Variants in AFDN observed in about 807,000 individuals in gnomAD.
The protein encoded by AFDN is afadin.
AFDN carries 68 observed loss-of-function variants against 216.6 expected under a neutral mutation model. The ratio of observed to expected loss-of-function variants is 0.31; its 90% CI spans 0.26 to 0.38. The LOEUF (loss-of-function observed/expected upper bound fraction) is 0.38, where lower values mean the gene tolerates loss of function less well. Among genes scored for constraint, AFDN ranks in the 10% least tolerant of loss-of-function variants. AFDN has a pLI of 1.00. For missense variants in AFDN, 2,136 were observed against 2,342.0 expected (o/e 0.91, Z 1.82); for synonymous variants, 868 against 853.7 (o/e 1.02, Z -0.29).
At chr6:167,907,409 T>A in intron 13 of AFDN, 120 bp downstream of exon 13, 1 of 735,614 alleles carries the variant, frequency 1.4e-6, no homozygotes, top group Non-Finnish European at 2.3e-6. Flanking sequence ...TTAGCAATAA[T>A]ATTTTAAGGG....
intron 6 of AFDN, among the ~76,000 whole-genome samples, chr6:167,887,988 G>T (rs1281961961): frequency 6.6e-6 from 1 of 152,166 alleles, no homozygotes; most frequent in Non-Finnish European, 1.5e-5. Flanking sequence ...TACTTAAGCT[G>T]AAGGATGAGT....
chr6:167,965,160 T>TC (rs1583077114), intron 31 of AFDN: 73 of 810,412 alleles, frequency 9.0e-5, no homozygotes, highest in Non-Finnish European at 1.0e-4. Flanking sequence ...TTTTTTTTTT[T>TC]CTTCATTTCT....
In AFDN at chr6:167,898,194, T is replaced by G; in HGVS notation, c.1318-11T>G. On this transcript the variant is annotated splice_polypyrimidine_tract_variant and intron_variant, in intron 10 of 33. Coordinates refer to ENST00000683244, the MANE Select transcript of AFDN (RefSeq NM_001386888.1). ...ATGATGGGAGTTTCTTTGGTTTCCTTCGGTTTCCAGTTGTTTGGCCCAGGA... is the reference window on the plus strand; with the variant it reads ...ATGATGGGAGTTTCTTTGGTTTCCTGCGGTTTCCAGTTGTTTGGCCCAGGA... 1 of 1,612,020 alleles carries G rather than the reference T, an allele frequency of 6.2e-7. No individual in the cohort carries two copies. Among genetic ancestry groups the G allele is most frequent in the Non-Finnish European group, 8.5e-7 (1 of 1,178,376 alleles).
chr6:167,857,705 T>C (rs144253036), intron 1 of AFDN, among the ~76,000 whole-genome samples: 1,559 of 152,262 alleles, frequency 0.01, 29 homozygotes, highest in African/African-American at 0.036. Context: ...CCGAGCTGTA[T>C]GAACCTGAAC....
chr6:167,900,316 TA>T (rs1788781963), intron 11 of AFDN, among the ~76,000 whole-genome samples: 1 of 152,230 alleles, frequency 6.6e-6, no homozygotes, highest in African/African-American at 2.4e-5. Flanking sequence ...CTGATGGTTA[TA>T]AACGAGTGGC....
At chr6:167,911,533 T>G in intron 15 of AFDN, 44 bp downstream of exon 15, 1 of 1,569,304 alleles carries the variant, frequency 6.4e-7, no homozygotes, top group Non-Finnish European at 8.8e-7. Context: ...TGATTGTGGT[T>G]GTAATTGCTA....
chr6:167,912,862 C>T (rs926276031), intron 15 of AFDN, among the ~76,000 whole-genome samples: 5 of 152,120 alleles, frequency 3.3e-5, no homozygotes, highest in Admixed American at 6.5e-5. Flanking sequence ...AATTTAAATT[C>T]TATTTTCAAA....
At chr6:167,943,250 A>T (rs1233732409) in intron 24 of AFDN, 56 bp downstream of exon 24, 2 of 1,515,294 alleles carry the variant, frequency 1.3e-6, no homozygotes, top group East Asian at 4.5e-5. Flanking sequence ...TCAGCAAATG[A>T]TGTGAGAGAT....
intron 1 of AFDN, among the ~76,000 whole-genome samples, chr6:167,834,005 A>G (rs1187523219): frequency 1.3e-5 from 2 of 152,238 alleles, no homozygotes; most frequent in Non-Finnish European, 1.5e-5. Flanking sequence ...TTGTTTTTCA[A>G]TAATATGATT....
intron 1 of AFDN, among the ~76,000 whole-genome samples, chr6:167,840,943 G>A (rs757650046): frequency 5.9e-5 from 9 of 152,194 alleles, no homozygotes; most frequent in African/African-American, 1.4e-4. Flanking sequence ...ATGGACCTCC[G>A]TGGCATCTGA....
Position 167,913,434 on chromosome 6 carries a change from T to C in AFDN, c.2058+11T>C. ...GACCAGGTTGACCAGGTAGGACATC[T>C]GCTGGGAGCTGATCCTAGCTGTGTT... On this transcript the variant is annotated intron_variant, in intron 16 of 33. Transcript: ENST00000683244. The C allele has an allele frequency of 6.5e-7, 1 of 1,535,842 alleles. No individual in the cohort carries two copies.
intron 15 of AFDN, 54 bp from the exon 16 acceptor site, chr6:167,913,349 T>C: frequency 6.6e-7 from 1 of 1,516,352 alleles, no homozygotes; most frequent in Non-Finnish European, 8.9e-7. Context: ...CATGATTGTT[T>C]ACAAGTTTCT....
At chr6:167,868,420 C>A (rs1378322743) in intron 2 of AFDN, among the ~76,000 whole-genome samples, 1 of 152,062 alleles carries the variant, frequency 6.6e-6, no homozygotes, top group African/African-American at 2.4e-5. Context: ...CATTTGGAGA[C>A]CTTTGTTAGA....
Position 167,922,865 on chromosome 6 carries a change from G to A in AFDN, c.2918G>A (p.Arg973Lys). Reference sequence around the variant, plus strand: ...CTTGTTTCCTCCTTAGGATTTTGCAGGTTAATTCCTCACACACGTTCACCA... The same window carrying A: ...CTTGTTTCCTCCTTAGGATTTTGCAAGTTAATTCCTCACACACGTTCACCA... ...LDPLCQRGFC[R>K]LIPHTRSPGT... Residue 973 changes from arginine (R) to lysine (K), a missense_variant, in exon 22 of 34, where the codon AGG (arginine) becomes AAG (lysine). By Grantham distance (26) the Arg-to-Lys change is conservative (BLOSUM62 2). Around this residue, in one of 8 missense-constraint regions of AFDN, gnomAD observed 162 missense variants for 182.6 expected, o/e 0.89. Coordinates refer to ENST00000683244, the MANE Select transcript of AFDN (RefSeq NM_001386888.1). 1 of 1,610,968 alleles carries A rather than the reference G, an allele frequency of 6.2e-7. No homozygotes were observed. The highest frequency in any genetic ancestry group is 8.5e-7 in the Non-Finnish European group (1 of 1,178,358).
At chr6:167,874,940 A>G (rs1223745705) in intron 4 of AFDN, among the ~76,000 whole-genome samples, 2 of 152,108 alleles carry the variant, frequency 1.3e-5, no homozygotes, top group Non-Finnish European at 2.9e-5. Context: ...GTTAAGACAG[A>G]TTTTTGCAAA....
chr6:167,914,467 T>A (rs1790790231), intron 17 of AFDN, among the ~76,000 whole-genome samples, 154 bp downstream of exon 17: 1 of 152,222 alleles, frequency 6.6e-6, no homozygotes, highest in African/African-American at 2.4e-5. Context: ...ATTAACTACC[T>A]ATAGTTATAT....
chr6:167,896,816 G>A (rs2128376357), intron 9 of AFDN, 62 bp from the exon 10 acceptor site: 1 of 981,128 alleles, frequency 1.0e-6, no homozygotes, highest in East Asian at 2.5e-5. Context: ...TTGTTTGTTG[G>A]AAATAACATG....
chr6:167,869,545 T>C (rs761091322), intron 2 of AFDN, among the ~76,000 whole-genome samples: 1 of 152,168 alleles, frequency 6.6e-6, no homozygotes, highest in Non-Finnish European at 1.5e-5. Flanking sequence ...GAGTTGTGTG[T>C]GGGGCTTGCA....
intron 5 of AFDN, among the ~76,000 whole-genome samples, chr6:167,878,143 T>G (rs950246899): frequency 1.3e-5 from 2 of 152,148 alleles, no homozygotes; most frequent in Non-Finnish European, 2.9e-5. Context: ...CTTGGGTTTT[T>G]TAGCGCGCAG....
Sources: gnomAD v4.1 joint callset for allele counts (sites outside exome capture counted in the v4.1 genomes callset) on GRCh38, gnomAD v4.1.1 for gene constraint, gnomAD v4.1.1 regional missense constraint, MANE v1.5 for transcripts, NCBI Gene and HGNC (gene_info 2026-07-23, HGNC 2026-07-21) for gene names.